The following GNG4 variants were observed in gnomAD, a reference collection of about 807,000 sequenced individuals.
GNG4 encodes G protein subunit gamma 4.
GNG4 carries 4 observed loss-of-function variants against 5.8 expected under a neutral mutation model. The observed-to-expected ratio is 0.69, with a 90% CI of 0.34 to 1.57. The LOEUF is 1.57. Ranked by LOEUF, GNG4 falls within the 40% of genes most tolerant of loss-of-function variation. GNG4 has a pLI of 0.06. For synonymous variants in GNG4, 29 were observed against 32.9 expected, an observed-to-expected ratio of 0.88 and a Z score of 0.41; for missense variants, 96 against 95.1, an observed-to-expected ratio of 1.01 and a Z score of -0.04.
intron 3 of GNG4, among the ~76,000 whole-genome samples, chr1:235,575,697 G>A (rs994267209): frequency 6.6e-6 from 1 of 152,212 alleles, no homozygotes; most frequent in Non-Finnish European, 1.5e-5. Flanking sequence ...GTCCCTGGCT[G>A]AGAGTTGGGC....
At chr1:235,597,345 G>A (rs1282424517) in intron 1 of GNG4, among the ~76,000 whole-genome samples, 1 of 152,158 alleles carries the variant, frequency 6.6e-6, no homozygotes, top group East Asian at 1.9e-4. Flanking sequence ...TTGAAGTTGT[G>A]CTTGGTGCAT....
chr1:235,618,166 G>T (rs16832741), intron 1 of GNG4, among the ~76,000 whole-genome samples: 30,553 of 152,060 alleles, frequency 0.2, 5,367 homozygotes, highest in East Asian at 0.6. Context: ...TGAATAACAG[G>T]GGTCTCTGAA....
chr1:235,580,247 A>C (rs1305405613), intron 3 of GNG4, among the ~76,000 whole-genome samples: 1 of 152,212 alleles, frequency 6.6e-6, no homozygotes, highest in Non-Finnish European at 1.5e-5. Flanking sequence ...AACGGTGGTC[A>C]CCAGGCATGG....
chr1:235,624,822 G>C (rs1688777224), intron 1 of GNG4, among the ~76,000 whole-genome samples: 1 of 152,148 alleles, frequency 6.6e-6, no homozygotes, highest in Admixed American at 6.5e-5. Context: ...TCAGCTAACT[G>C]GTTATTTGCT....
At chr1:235,562,144 C>A (rs1396262217) in intron 3 of GNG4, among the ~76,000 whole-genome samples, 1 of 152,030 alleles carries the variant, frequency 6.6e-6, no homozygotes. Flanking sequence ...TTGGGGCTCT[C>A]TATTCTGTTC....
At chr1:235,605,943 T>G in intron 1 of GNG4, among the ~76,000 whole-genome samples, 1 of 115,222 alleles carries the variant, frequency 8.7e-6, no homozygotes, top group Admixed American at 7.9e-5. Context: ...TTTATTTTTT[T>G]GATTGAGAGT....
chr1:235,645,848 T>G (rs1190608878), intron 1 of GNG4, among the ~76,000 whole-genome samples: 1 of 150,770 alleles, frequency 6.6e-6, no homozygotes. Context: ...GTTAAAAATG[T>G]TTTCCTTCTT....
intron 1 of GNG4, among the ~76,000 whole-genome samples, chr1:235,599,697 G>A (rs908111336): frequency 3.9e-5 from 6 of 152,304 alleles, no homozygotes; most frequent in African/African-American, 1.4e-4. Context: ...GCCCAGTCCT[G>A]CCTTATGCAG....
At chr1:235,596,708 G>A (rs771012323) in intron 1 of GNG4, among the ~76,000 whole-genome samples, 6 of 152,058 alleles carry the variant, frequency 3.9e-5, no homozygotes, top group East Asian at 1.9e-4. Context: ...GAGATCAGAC[G>A]ACTCGAAAGC....
chr1:235,593,907 T>A (rs910883336), intron 2 of GNG4, among the ~76,000 whole-genome samples: 1 of 152,276 alleles, frequency 6.6e-6, no homozygotes, highest in East Asian at 1.9e-4. Context: ...GAACAAAGCC[T>A]GCACAGCGTG....
intron 3 of GNG4, among the ~76,000 whole-genome samples, chr1:235,564,779 G>A (rs1216122586): frequency 3.3e-5 from 5 of 152,112 alleles, no homozygotes; most frequent in Non-Finnish European, 5.9e-5. Context: ...TCTGCCTCCC[G>A]GGTTCAAGCG....
At chr1:235,633,402 G>A (rs987303799) in intron 1 of GNG4, among the ~76,000 whole-genome samples, 2 of 152,194 alleles carry the variant, frequency 1.3e-5, no homozygotes, top group African/African-American at 2.4e-5. Context: ...ACCATATGGC[G>A]GGACAGTGCT....
At position 235,550,137 on chromosome 1, in the gene GNG4, G is replaced by A. The variant is rs532871566; in HGVS notation, c.*1972C>T. 1.3e-5 allele frequency: 2 copies of A among 152,338 alleles called. No homozygotes were observed. Among genetic ancestry groups the A allele is most frequent in the South Asian group, 2.1e-4 (1 of 4,830 alleles). 9.4% of individuals were successfully genotyped at this position (152,338 alleles called of 1,614,324 possible). ...CTCCTCTTTCATCGGGATCATATGA[G>A]TTTGGTTTAGGTAGGACCTTCAGGT... On this transcript the variant is annotated 3_prime_UTR_variant, in exon 4 of 4. Coordinates refer to ENST00000391854, the MANE Select transcript of GNG4 (RefSeq NM_001098722.2).
At chr1:235,567,463 C>T (rs533183412) in intron 3 of GNG4, among the ~76,000 whole-genome samples, 1 of 152,308 alleles carries the variant, frequency 6.6e-6, no homozygotes, top group Non-Finnish European at 1.5e-5. Context: ...AAACAACCCT[C>T]CATTCTCTCC....
intron 1 of GNG4, among the ~76,000 whole-genome samples, chr1:235,634,683 C>T (rs1558504673): frequency 6.6e-6 from 1 of 152,226 alleles, no homozygotes; most frequent in Non-Finnish European, 1.5e-5. Context: ...TGGCTCACGC[C>T]TGTAATCCCA....
intron 1 of GNG4, among the ~76,000 whole-genome samples, chr1:235,643,040 G>C (rs1280231129): frequency 1.3e-5 from 2 of 152,122 alleles, no homozygotes; most frequent in Non-Finnish European, 2.9e-5. Context: ...CGCTGGGGCC[G>C]GGGCACCCTT....
At chr1:235,610,585 A>T (rs1688457635) in intron 1 of GNG4, among the ~76,000 whole-genome samples, 1 of 152,140 alleles carries the variant, frequency 6.6e-6, no homozygotes, top group Non-Finnish European at 1.5e-5. Context: ...TGATGTATAA[A>T]TTGTCCTGGA....
intron 2 of GNG4, among the ~76,000 whole-genome samples, chr1:235,591,518 C>T (rs1430234615): frequency 1.3e-5 from 2 of 152,218 alleles, no homozygotes; most frequent in Non-Finnish European, 2.9e-5. Context: ...ACCCTTTAGG[C>T]TCCACCTGAA....
At chr1:235,610,825 C>A (rs1571912109) in intron 1 of GNG4, among the ~76,000 whole-genome samples, 2 of 152,302 alleles carry the variant, frequency 1.3e-5, no homozygotes, top group East Asian at 3.9e-4. Context: ...TGGCTCACTC[C>A]TGTAATCCCA....
Sources: gnomAD v4.1 joint callset for allele counts (sites outside exome capture counted in the v4.1 genomes callset) on GRCh38, gnomAD v4.1.1 for gene constraint, MANE v1.5 for transcripts, NCBI Gene and HGNC (gene_info 2026-07-23, HGNC 2026-07-21) for gene names.